The following C1GALT1 variants were observed in gnomAD, a reference collection of about 807,000 sequenced individuals.
C1GALT1 encodes core 1 synthase, glycoprotein-N-acetylgalactosamine 3-beta-galactosyltransferase 1.
In C1GALT1, 11 loss-of-function variants were observed where a neutral mutation model predicts 31.0. The ratio of observed to expected loss-of-function variants is 0.36; its 90% CI spans 0.22 to 0.59. The LOEUF (loss-of-function observed/expected upper bound fraction) is 0.59, where lower values mean the gene tolerates loss of function less well. Ranked by LOEUF, C1GALT1 falls within the 20% of genes least tolerant of loss-of-function variation. The pLI is 0.79. For synonymous variants in C1GALT1, 175 were observed against 143.6 expected, an observed-to-expected ratio of 1.22 and a Z score of -1.56; for missense variants, 424 against 425.2, an observed-to-expected ratio of 1.00 and a Z score of 0.03.
intron 1 of C1GALT1, among the ~76,000 whole-genome samples, chr7:7,234,015 C>A (rs941966785): frequency 1.8e-4 from 27 of 152,072 alleles, no homozygotes; most frequent in Admixed American, 3.9e-4. Context: ...GACAGGAAGC[C>A]CTGGATCCAC....
intron 1 of C1GALT1, among the ~76,000 whole-genome samples, chr7:7,189,453 T>G (rs1780961642): frequency 6.6e-6 from 1 of 152,166 alleles, no homozygotes; most frequent in Non-Finnish European, 1.5e-5. Flanking sequence ...CTTTAAAAGT[T>G]TTGCCAATAT....
At chr7:7,211,459 T>A in intron 1 of C1GALT1, among the ~76,000 whole-genome samples, 1 of 152,210 alleles carries the variant, frequency 6.6e-6, no homozygotes, top group East Asian at 1.9e-4. Context: ...TCATGCTTCC[T>A]TGTCAGTAAC....
At position 7,234,465 on chromosome 7, in the gene C1GALT1, G is replaced by C; in HGVS notation, c.146G>C (p.Arg49Thr). ...GTTCTTCATAATGATCCTCATGCAA[G>C]GCATTCAGATGATAATGGACAGAAT... ...PNVLHNDPHA[R>T]HSDDNGQNHL... The change falls in exon 2 of 4, where the codon AGG (arginine) becomes ACG (threonine). Residue 49 changes from arginine (R) to threonine (T), a missense_variant. By Grantham distance (71) the Arg-to-Thr change is moderately conservative. This residue lies in a region of C1GALT1 where 189 missense variants were observed against 158.2 expected (regional missense o/e 1.19). Transcript: ENST00000436587. The C allele has an allele frequency of 6.2e-7, 1 of 1,613,918 alleles. No homozygotes were observed. The highest frequency in any genetic ancestry group is 1.3e-5 in the African/African-American group (1 of 75,012).
Position 7,182,821 on chromosome 7 carries a change from G to A in C1GALT1, c.-18+1G>A. 1 of 985,612 alleles carries A rather than the reference G, an allele frequency of 1.0e-6. No homozygotes were observed. Among genetic ancestry groups the A allele is most frequent in the South Asian group, 4.7e-5 (1 of 21,290 alleles). The allele number at this position is 985,612 out of a possible 1,614,324, so 61.1% of individuals were successfully genotyped here. On this transcript the variant is annotated splice_donor_variant, in intron 1 of 3. Transcript: ENST00000436587. LOFTEE classifies it low-confidence loss of function (5UTR_SPLICE). Reference sequence around the variant, plus strand: ...GAGAGGGAGCCGCAGCTGATGTCAGGTATGGCCGGCGGAGGCGCCCTCAGG... The same window carrying A: ...GAGAGGGAGCCGCAGCTGATGTCAGATATGGCCGGCGGAGGCGCCCTCAGG...
intron 1 of C1GALT1, among the ~76,000 whole-genome samples, chr7:7,211,925 C>A (rs1782024698): frequency 6.6e-6 from 1 of 152,170 alleles, no homozygotes; most frequent in Non-Finnish European, 1.5e-5. Flanking sequence ...GATTTAATGA[C>A]AAATGTATGA....
intron 1 of C1GALT1, among the ~76,000 whole-genome samples, chr7:7,197,722 C>T (rs1351251273): frequency 6.6e-6 from 1 of 151,750 alleles, no homozygotes; most frequent in Non-Finnish European, 1.5e-5. Context: ...TTTTGTTGAG[C>T]AGTGGTTTGT....
chr7:7,183,624 T>A (rs1038593746), intron 1 of C1GALT1: 1 of 982,076 alleles, frequency 1.0e-6, no homozygotes, highest in Admixed American at 6.2e-5. Context: ...AAGATGACCA[T>A]AATTTAGCGC....
intron 1 of C1GALT1, among the ~76,000 whole-genome samples, chr7:7,214,059 T>G (rs1782124722): frequency 6.6e-6 from 1 of 152,204 alleles, no homozygotes; most frequent in East Asian, 1.9e-4. Flanking sequence ...TTCTAATTTA[T>G]AACTACTATT....
chr7:7,228,905 A>G (rs1443310069), intron 1 of C1GALT1, among the ~76,000 whole-genome samples: 1 of 152,254 alleles, frequency 6.6e-6, no homozygotes, highest in Non-Finnish European at 1.5e-5. Context: ...GTACTTCAGT[A>G]GCTTTCCACA....
chr7:7,238,110 A>T lies in C1GALT1; in HGVS notation c.221-145A>T, dbSNP rs1461165858. The T allele has an allele frequency of 1.1e-5, 8 of 707,558 alleles. No individual in the cohort carries two copies. In the Admixed American group the frequency reaches 2.6e-4, roughly 23 times the overall value. 43.8% of individuals were successfully genotyped at this position (707,558 alleles called of 1,614,324 possible). On this transcript the variant is annotated intron_variant, in intron 2 of 3. Transcript: ENST00000436587. This position sits in a 1 kb window ranked among gnomAD's most constrained non-coding sequence, Gnocchi z 5.2. Reference sequence around the variant, plus strand: ...AATCAGAGTGTCAGTTCACATTAGGATGAGTTTGCTTTCCTTTGGCTAAAT... The same window carrying T: ...AATCAGAGTGTCAGTTCACATTAGGTTGAGTTTGCTTTCCTTTGGCTAAAT...
At chr7:7,160,842 C>G (rs919325301) in intron 2 of C1GALT1, among the ~76,000 whole-genome samples, 3 of 152,040 alleles carry the variant, frequency 2.0e-5, no homozygotes, top group Admixed American at 6.6e-5. Context: ...TGCCAGTAGA[C>G]TACTGGTCAA....
At chr7:7,226,379 T>A (rs77105960) in intron 1 of C1GALT1, among the ~76,000 whole-genome samples, 1 of 89,152 alleles carries the variant, frequency 1.1e-5, no homozygotes, top group Non-Finnish European at 2.1e-5. Context: ...AAAAAAAAAA[T>A]AACTAGAATT....
At chr7:7,232,272 C>G (rs974293198) in intron 1 of C1GALT1, among the ~76,000 whole-genome samples, 1 of 152,120 alleles carries the variant, frequency 6.6e-6, no homozygotes, top group African/African-American at 2.4e-5. Flanking sequence ...CTAAAAGAAC[C>G]TAGTCAGCCA....
chr7:7,169,337 T>G (rs1396786900), intron 2 of C1GALT1, among the ~76,000 whole-genome samples: 1 of 152,218 alleles, frequency 6.6e-6, no homozygotes, highest in East Asian at 1.9e-4. Context: ...AAATATCTCT[T>G]GAGTCTCTGT....
At chr7:7,206,840 A>G (rs1781759672) in intron 1 of C1GALT1, among the ~76,000 whole-genome samples, 1 of 151,592 alleles carries the variant, frequency 6.6e-6, no homozygotes, top group Non-Finnish European at 1.5e-5. Flanking sequence ...TGATAATTTT[A>G]TTGAGGACTG....
At chr7:7,159,865 C>T (rs532369558) in intron 2 of C1GALT1, among the ~76,000 whole-genome samples, 1 of 152,226 alleles carries the variant, frequency 6.6e-6, no homozygotes, top group South Asian at 2.1e-4. Context: ...TAAAAACATA[C>T]TTAACATGTA....
intron 2 of C1GALT1, among the ~76,000 whole-genome samples, chr7:7,160,951 C>A (rs1478512156): frequency 6.6e-5 from 10 of 151,984 alleles, no homozygotes; most frequent in Admixed American, 6.6e-4. Flanking sequence ...AACAATGAGC[C>A]ATAATTTACA....
At chr7:7,216,772 G>A (rs568788394) in intron 1 of C1GALT1, among the ~76,000 whole-genome samples, 1 of 152,148 alleles carries the variant, frequency 6.6e-6, no homozygotes, top group Admixed American at 6.5e-5. Context: ...TCTGGCTGCC[G>A]AAGACATTTT....
chr7:7,244,343 T>G lies in C1GALT1; in HGVS notation c.*616T>G, dbSNP rs1364962727. 6.6e-6 allele frequency: 1 copy of G among 152,154 alleles called. No homozygotes were observed. Among genetic ancestry groups the G allele is most frequent in the Admixed American group, 6.5e-5 (1 of 15,274 alleles). The allele number at this position is 152,154 out of a possible 1,614,324, so 9.4% of individuals were successfully genotyped here. On this transcript the variant is annotated 3_prime_UTR_variant, in exon 4 of 4. Transcript: ENST00000436587. The stretch of plus-strand genomic sequence containing the variant: ...GAAGTGCATTAATAAAACCACACTT[T>G]AAAATTATCATGGGCCTTGACTATA...
Sources: gnomAD v4.1 joint callset for allele counts (sites outside exome capture counted in the v4.1 genomes callset) on GRCh38, gnomAD v4.1.1 for gene constraint, gnomAD v4.1.1 regional missense constraint, Gnocchi (gnomAD v3.1) non-coding constraint, MANE v1.5 for transcripts, NCBI Gene and HGNC (gene_info 2026-07-23, HGNC 2026-07-21) for gene names.